Variants in ST6GAL2 observed in about 807,000 individuals in gnomAD.
ST6GAL2 encodes ST6 beta-galactoside alpha-2,6-sialyltransferase 2.
ST6GAL2 carries 24 observed loss-of-function variants against 37.5 expected under a neutral mutation model. The observed-to-expected ratio is 0.64, with a 90% CI of 0.46 to 0.90. The LOEUF is 0.90. ST6GAL2 is among the 40% of genes least tolerant of loss of function. The pLI, the probability that ST6GAL2 is intolerant of heterozygous loss-of-function variation, is 0.00. For synonymous variants in ST6GAL2, 306 were observed against 295.1 expected (o/e 1.04, Z -0.38); for missense variants, 715 against 712.7 (o/e 1.00, Z -0.04).
At chr2:106,818,134 C>T (rs1434052575) in intron 5 of ST6GAL2, among the ~76,000 whole-genome samples, 1 of 152,172 alleles carries the variant, frequency 6.6e-6, no homozygotes, top group East Asian at 1.9e-4. Context: ...CACCTGGGGC[C>T]AGGGGGAACT....
chr2:106,847,156 A>G (rs756448950), intron 1 of ST6GAL2, among the ~76,000 whole-genome samples: 8 of 152,126 alleles, frequency 5.3e-5, no homozygotes, highest in Non-Finnish European at 1.2e-4. Flanking sequence ...TAATATTTCC[A>G]TTTCTGAATG....
At chr2:106,884,937 A>ATATATATATATATG (rs1678913048) in intron 1 of ST6GAL2, among the ~76,000 whole-genome samples, 1 of 110,902 alleles carries the variant, frequency 9.0e-6, no homozygotes, top group Non-Finnish European at 1.9e-5. Context: ...ATATATATAC[A>ATATATATATATATG]TACACACACA....
intron 1 of ST6GAL2, among the ~76,000 whole-genome samples, chr2:106,884,471 C>G (rs10195310): frequency 6.6e-6 from 1 of 152,012 alleles, no homozygotes; most frequent in African/African-American, 2.4e-5. Context: ...CTCACTCTTT[C>G]CAGGAGTATC....
chr2:106,844,672 T>C (rs1283655960), intron 1 of ST6GAL2, among the ~76,000 whole-genome samples: 1 of 152,224 alleles, frequency 6.6e-6, no homozygotes, highest in Admixed American at 6.5e-5. Flanking sequence ...GTGCCTGTTG[T>C]CTTCAACAAT....
intron 1 of ST6GAL2, among the ~76,000 whole-genome samples, chr2:106,884,921 A>ATGTG (rs1394634267): frequency 3.3e-5 from 4 of 119,914 alleles, no homozygotes; most frequent in Non-Finnish European, 5.0e-5. Context: ...ATATATATAT[A>ATGTG]TATATATATA....
Position 106,804,890 on chromosome 2 carries a change from C to T in ST6GAL2, c.*1788G>A, listed in dbSNP as rs1242976138. ...GAAAAGAAATTAGAAAGGAACATGG[C>T]TTAACCATGTCTATTTAGACATAAG... On this transcript the variant is annotated 3_prime_UTR_variant, in exon 6 of 6. Coordinates refer to ENST00000409382, the MANE Select transcript of ST6GAL2 (RefSeq NM_001142351.2). 1 of 150,302 alleles carries T rather than the reference C, an allele frequency of 6.7e-6. No homozygotes were observed. Among genetic ancestry groups the T allele is most frequent in the Non-Finnish European group, 1.5e-5 (1 of 67,618 alleles). 9.3% of individuals were successfully genotyped at this position (150,302 alleles called of 1,614,324 possible).
rs115024011 is a variant in ST6GAL2 at position 106,839,679 on chromosome 2, T to C, written c.943+3356A>G. 3.4e-3 allele frequency among the ~76,000 whole-genome samples: 523 copies of C among 152,262 alleles called. 5 individuals are homozygous for C. Among genetic ancestry groups the C allele is most frequent in the African/African-American group, 0.012 (499 of 41,552 alleles). On this transcript the variant is annotated intron_variant, in intron 2 of 5. Transcript: ENST00000409382. ...CCTCCATGTCCCATTTCCCATGCAC[T>C]TGCCAGAATTCGAGTTTCAGGTACA...
intron 1 of ST6GAL2, among the ~76,000 whole-genome samples, chr2:106,856,901 G>A (rs1677596827): frequency 6.6e-6 from 1 of 152,180 alleles, no homozygotes. Context: ...TCAATATTTA[G>A]ATTTAATAAT....
intron 5 of ST6GAL2, among the ~76,000 whole-genome samples, chr2:106,818,588 C>A (rs1421984006): frequency 1.3e-5 from 2 of 152,094 alleles, no homozygotes; most frequent in Admixed American, 1.3e-4. Context: ...CAACTCCTTT[C>A]AAAAACCTAG....
At chr2:106,870,403 T>C (rs762280033) in intron 1 of ST6GAL2, among the ~76,000 whole-genome samples, 4 of 152,190 alleles carry the variant, frequency 2.6e-5, no homozygotes, top group Admixed American at 1.3e-4. Flanking sequence ...CCCAGGCCAC[T>C]TCTTCTTGTT....
chr2:106,803,622 A>G lies in ST6GAL2; in HGVS notation c.*3056T>C, dbSNP rs960407718. The G allele has an allele frequency of 2.5e-3, 347 of 137,254 alleles. 1 individual carries two copies. Among genetic ancestry groups the G allele is most frequent in the Middle Eastern group, 0.012 (3 of 260 alleles). 8.5% of individuals were successfully genotyped at this position (137,254 alleles called of 1,614,324 possible). A position where few individuals can be genotyped will look rare whatever the true frequency, so the allele number is the denominator to read the frequency against. ...AAATTTGTTTCTTTGTAACAACAAC[A>G]ACAACAACAACAACAACAACAACAA... On this transcript the variant is annotated 3_prime_UTR_variant, in exon 6 of 6. Transcript: ENST00000409382.
intron 1 of ST6GAL2, among the ~76,000 whole-genome samples, chr2:106,848,035 T>C (rs1310835317): frequency 1.3e-5 from 2 of 151,782 alleles, no homozygotes; most frequent in Non-Finnish European, 2.9e-5. Flanking sequence ...TAATTTCTTT[T>C]TCTCTTTCTT....
chr2:106,875,972 T>C (rs141589295), intron 1 of ST6GAL2, among the ~76,000 whole-genome samples: 1 of 152,280 alleles, frequency 6.6e-6, no homozygotes, highest in Non-Finnish European at 1.5e-5. Flanking sequence ...AGTAGATTTC[T>C]TTTTTTGTAA....
At chr2:106,852,303 G>T (rs1677400295) in intron 1 of ST6GAL2, among the ~76,000 whole-genome samples, 1 of 152,192 alleles carries the variant, frequency 6.6e-6, no homozygotes, top group African/African-American at 2.4e-5. Flanking sequence ...TGCAGGCAGT[G>T]CCCCCTCCTT....
chr2:106,848,426 A>G (rs1463106828), intron 1 of ST6GAL2, among the ~76,000 whole-genome samples: 1 of 152,244 alleles, frequency 6.6e-6, no homozygotes, highest in Non-Finnish European at 1.5e-5. Context: ...GTGGGCAACT[A>G]AAAAATGAGA....
intron 1 of ST6GAL2, among the ~76,000 whole-genome samples, chr2:106,871,759 G>C (rs566559733): frequency 2.6e-5 from 4 of 152,264 alleles, no homozygotes; most frequent in Admixed American, 6.5e-5. Context: ...GCAGTAACAC[G>C]CATGGAACTG....
At chr2:106,870,847 C>A (rs528815491) in intron 1 of ST6GAL2, among the ~76,000 whole-genome samples, 1 of 152,262 alleles carries the variant, frequency 6.6e-6, no homozygotes, top group East Asian at 1.9e-4. Flanking sequence ...GATGGCATAG[C>A]ACGGCTCATA....
intron 1 of ST6GAL2, among the ~76,000 whole-genome samples, chr2:106,875,293 C>CATG (rs1678457995): frequency 6.6e-6 from 1 of 151,728 alleles, no homozygotes. Context: ...CCCCCAACCT[C>CATG]AGCCTCCAGA....
chr2:106,886,191 AT>A, upstream of ST6GAL2: 1 of 152,268 alleles, frequency 6.6e-6, no homozygotes, highest in Non-Finnish European at 1.5e-5. Flanking sequence ...TGCGTGTCAC[AT>A]TTTATTCCCC....
Sources: allele counts gnomAD v4.1 joint callset (sites outside exome capture counted in the v4.1 genomes callset), GRCh38; gene constraint gnomAD v4.1.1; transcripts MANE v1.5; gene names NCBI Gene and HGNC (gene_info 2026-07-23, HGNC 2026-07-21).